Variants in LNPK observed in about 807,000 individuals in gnomAD.
The protein encoded by LNPK is endoplasmic reticulum junction formation protein lunapark.
Under a neutral mutation model 55.2 loss-of-function variants are expected in LNPK, and 29 were observed. The observed-to-expected ratio is 0.53, with a 90% CI of 0.39 to 0.72. The LOEUF is 0.72. Among genes scored for constraint, LNPK ranks in the 30% least tolerant of loss-of-function variants. LNPK has a pLI of 0.00. For missense variants in LNPK, 467 were observed against 494.8 expected, an observed-to-expected ratio of 0.94 and a Z score of 0.53; for synonymous variants, 162 against 168.2, an observed-to-expected ratio of 0.96 and a Z score of 0.29.
chr2:175,969,862 T>TA (rs1173367856), intron 6 of LNPK, among the ~76,000 whole-genome samples: 1 of 152,172 alleles, frequency 6.6e-6, no homozygotes, highest in African/African-American at 2.4e-5. Context: ...CTTTCAAAAT[T>TA]AAAGTTCTCT....
chr2:175,964,528 T>A lies in LNPK; in HGVS notation c.419A>T (p.Asp140Val). 6.2e-7 allele frequency: 1 copy of A among 1,609,874 alleles called. No homozygotes were observed. The highest frequency in any genetic ancestry group is 8.5e-7 in the Non-Finnish European group (1 of 1,176,362). ...KTAKLILERF[D>V]PDSKKAKECE... ...TACCTTTGCTTTCTTTGAGTCCGGATCAAACCTTTCAAGAATTAATTTAGC... is the reference window on the plus strand; with the variant it reads ...TACCTTTGCTTTCTTTGAGTCCGGAACAAACCTTTCAAGAATTAATTTAGC... Residue 140 changes from aspartate to valine, a missense_variant, in exon 7 of 13, where the codon GAT becomes GTT. Asp to Val is a radical substitution (Grantham distance 152). Transcript: ENST00000272748.
intron 8 of LNPK, among the ~76,000 whole-genome samples, chr2:175,953,772 A>T (rs1382183366): frequency 4.2e-5 from 2 of 48,086 alleles, no homozygotes; most frequent in Admixed American, 3.1e-4. Context: ...CCATGTTACT[A>T]AAAAAAAAAA....
At chr2:175,992,834 C>A (rs1687765031) in intron 3 of LNPK, among the ~76,000 whole-genome samples, 2 of 151,976 alleles carry the variant, frequency 1.3e-5, no homozygotes, top group African/African-American at 4.8e-5. Flanking sequence ...TCAATATTCC[C>A]AGAAAATAAT....
chr2:175,938,236 G>A, intron 11 of LNPK, 77 bp downstream of exon 11: 1 of 863,038 alleles, frequency 1.2e-6, no homozygotes, highest in Non-Finnish European at 1.9e-6. Context: ...AAAATAAAAT[G>A]ACACTGCATA....
At chr2:175,974,382 C>T (rs1053622525) in intron 5 of LNPK, among the ~76,000 whole-genome samples, 6 of 152,102 alleles carry the variant, frequency 3.9e-5, no homozygotes, top group African/African-American at 1.4e-4. Flanking sequence ...CTGCATCGGT[C>T]GTACAACAGT....
chr2:175,948,217 T>C (rs1685237888), intron 8 of LNPK, among the ~76,000 whole-genome samples: 2 of 152,236 alleles, frequency 1.3e-5, no homozygotes, highest in African/African-American at 2.4e-5. Flanking sequence ...TGCTATCCTT[T>C]TGGCAAATTT....
chr2:175,942,514 A>C (rs1351739843), intron 9 of LNPK, among the ~76,000 whole-genome samples: 2 of 152,180 alleles, frequency 1.3e-5, no homozygotes, highest in Admixed American at 6.5e-5. Context: ...TTAAATTAGA[A>C]ATCAGCAGCA....
At chr2:175,974,784 C>A (rs1036108333) in intron 5 of LNPK, among the ~76,000 whole-genome samples, 3 of 151,806 alleles carry the variant, frequency 2.0e-5, no homozygotes, top group African/African-American at 7.3e-5. Context: ...TATGTGACTG[C>A]AAGACAATCT....
At chr2:175,948,144 T>C (rs946797857) in intron 8 of LNPK, among the ~76,000 whole-genome samples, 1 of 152,232 alleles carries the variant, frequency 6.6e-6, no homozygotes, top group Admixed American at 6.5e-5. Context: ...ATCTAAGTAG[T>C]CATAGAAATG....
At chr2:175,957,198 A>G (rs985627429) in intron 8 of LNPK, among the ~76,000 whole-genome samples, 6 of 151,948 alleles carry the variant, frequency 3.9e-5, no homozygotes, top group Non-Finnish European at 7.4e-5. Context: ...TATCTACTAA[A>G]ACTACAAAAA....
intron 9 of LNPK, 94 bp from the exon 10 acceptor site, chr2:175,939,751 T>C: frequency 5.5e-6 from 3 of 548,188 alleles, no homozygotes; most frequent in Non-Finnish European, 9.5e-6. Context: ...TTGTTAGAAA[T>C]TTTAAAAGGT....
At chr2:175,947,427 G>T in intron 9 of LNPK, 53 bp downstream of exon 9, 3 of 1,479,484 alleles carry the variant, frequency 2.0e-6, no homozygotes, top group Non-Finnish European at 2.8e-6. Flanking sequence ...CCGTTTTATT[G>T]GTAACCAGAG....
chr2:176,001,999 G>C (rs1221876636), intron 1 of LNPK, among the ~76,000 whole-genome samples, 161 bp downstream of exon 1: 1 of 152,246 alleles, frequency 6.6e-6, no homozygotes, highest in Non-Finnish European at 1.5e-5. Context: ...CCACCGCGCA[G>C]CCTGACTAGC....
At chr2:175,939,475 C>A in intron 10 of LNPK, 77 bp downstream of exon 10, 2 of 679,692 alleles carry the variant, frequency 2.9e-6, no homozygotes, top group Admixed American at 2.8e-5. Flanking sequence ...TGCCACAAAA[C>A]TAAAACATCT....
At chr2:175,955,657 C>CA (rs1685656605) in intron 8 of LNPK, among the ~76,000 whole-genome samples, 1 of 152,070 alleles carries the variant, frequency 6.6e-6, no homozygotes, top group South Asian at 2.1e-4. Flanking sequence ...CTGAATCAAA[C>CA]ACATGCCCAA....
intron 5 of LNPK, among the ~76,000 whole-genome samples, chr2:175,975,256 T>C (rs1686857310): frequency 6.6e-6 from 1 of 152,206 alleles, no homozygotes; most frequent in Non-Finnish European, 1.5e-5. Flanking sequence ...CAAGGATACC[T>C]GCTATTCCCA....
chr2:175,929,931 T>C lies in LNPK; in HGVS notation c.*36A>G, dbSNP rs1205958482. On this transcript the variant is annotated 3_prime_UTR_variant, in exon 13 of 13. Coordinates refer to ENST00000272748, the MANE Select transcript of LNPK (RefSeq NM_030650.3). ...AAGCAATAACTGACATCAGTAAGAC[T>C]ATAAATATCCAGTTGAAGGCACGTG... 2 of 1,611,876 alleles carry C rather than the reference T, an allele frequency of 1.2e-6. No homozygotes were observed. Among genetic ancestry groups the C allele is most frequent in the South Asian group, 2.2e-5 (2 of 90,832 alleles).
At chr2:175,991,219 C>T (rs1482333375) in intron 4 of LNPK, among the ~76,000 whole-genome samples, 1 of 152,038 alleles carries the variant, frequency 6.6e-6, no homozygotes, top group Non-Finnish European at 1.5e-5. Flanking sequence ...TACTAAACAT[C>T]TCATACTTAT....
intron 5 of LNPK, among the ~76,000 whole-genome samples, chr2:175,971,460 T>C (rs1401547804): frequency 6.6e-6 from 1 of 152,178 alleles, no homozygotes; most frequent in Non-Finnish European, 1.5e-5. Context: ...AGTTTTTCTC[T>C]AGAAATATTT....
Sources: allele counts gnomAD v4.1 joint callset (sites outside exome capture counted in the v4.1 genomes callset), GRCh38; gene constraint gnomAD v4.1.1; transcripts MANE v1.5; gene names NCBI Gene and HGNC (gene_info 2026-07-23, HGNC 2026-07-21).